The following LIN9 variants were observed in gnomAD, a reference collection of about 807,000 sequenced individuals.
The protein encoded by LIN9 is lin-9 DREAM MuvB core complex component, also known as protein lin-9 homolog.
A neutral mutation model predicts 78.0 loss-of-function variants in LIN9; 18 were observed. The ratio of observed to expected loss-of-function variants is 0.23; its 90% CI spans 0.16 to 0.34. LIN9 has a LOEUF of 0.34. Among genes scored for constraint, LIN9 ranks in the 10% least tolerant of loss-of-function variants. The probability of loss-of-function intolerance (pLI) is 1.00; values close to 1 mark genes in which losing one functional copy is unlikely to be tolerated. For synonymous variants in LIN9, 192 were observed against 215.2 expected (o/e 0.89, Z 0.94); for missense variants, 451 against 644.1 (o/e 0.70, Z 3.25).
chr1:226,261,530 A>G (rs1444685124), intron 10 of LIN9, among the ~76,000 whole-genome samples: 1 of 152,254 alleles, frequency 6.6e-6, no homozygotes, highest in East Asian at 1.9e-4. Flanking sequence ...AGTATCATTT[A>G]CCTTAACACC....
chr1:226,304,614 G>C (rs754305758), intron 1 of LIN9, among the ~76,000 whole-genome samples: 1 of 152,186 alleles, frequency 6.6e-6, no homozygotes, highest in Non-Finnish European at 1.5e-5. Context: ...CGGTTTCTCT[G>C]AGGAGGTAAC....
intron 1 of LIN9, among the ~76,000 whole-genome samples, chr1:226,304,572 T>A (rs1662780852): frequency 6.6e-6 from 1 of 152,220 alleles, no homozygotes; most frequent in Non-Finnish European, 1.5e-5. Flanking sequence ...GGAATTACTC[T>A]AAGTACTAGC....
At chr1:226,235,325 A>C in intron 12 of LIN9, among the ~76,000 whole-genome samples, 1 of 141,194 alleles carries the variant, frequency 7.1e-6, no homozygotes, top group African/African-American at 3.0e-5. Flanking sequence ...TCCGTCTCAA[A>C]AAAAAAAAAA....
chr1:226,244,668 A>G (rs1658348499), intron 11 of LIN9, among the ~76,000 whole-genome samples: 1 of 152,204 alleles, frequency 6.6e-6, no homozygotes, highest in Non-Finnish European at 1.5e-5. Flanking sequence ...CAGATTTAGC[A>G]GTTCATGATC....
chr1:226,298,919 C>T (rs1428327148), intron 2 of LIN9, among the ~76,000 whole-genome samples: 1 of 151,968 alleles, frequency 6.6e-6, no homozygotes, highest in Non-Finnish European at 1.5e-5. Context: ...AGTAAATCAG[C>T]GTGGTTATTT....
chr1:226,266,264 A>G lies in LIN9; in HGVS notation c.885T>C (p.Phe295=). ...FGQKQRPSRF[F]MTPPRLHYTP... The stretch of plus-strand genomic sequence containing the variant: ...TATAATGTAACCGTGGTGGGGTCAT[A>G]AAAAATCGAGAAGGCCGCTGTTTTT... The change falls in exon 9 of 15, where the codon TTT becomes TTC. Residue 295 remains phenylalanine (F), a synonymous_variant. Transcript: ENST00000681046. The G allele has an allele frequency of 1.2e-6, 2 of 1,601,724 alleles. No homozygotes were observed. The highest frequency in any genetic ancestry group is 1.7e-6 in the Non-Finnish European group (2 of 1,172,144).
intron 10 of LIN9, among the ~76,000 whole-genome samples, chr1:226,261,248 T>C (rs1368391735): frequency 6.6e-6 from 1 of 152,134 alleles, no homozygotes; most frequent in Admixed American, 6.5e-5. Flanking sequence ...TGTCCTCTCT[T>C]ATCACTCTTT....
chr1:226,267,081 A>G (rs1014120724), intron 8 of LIN9, among the ~76,000 whole-genome samples: 5 of 151,836 alleles, frequency 3.3e-5, no homozygotes, highest in African/African-American at 1.2e-4. Flanking sequence ...CGCCTGGCCA[A>G]TTTACTTTTT....
At position 226,232,144 on chromosome 1, in the gene LIN9, A is replaced by G. The variant is rs886289946; in HGVS notation, c.*357T>C. On this transcript the variant is annotated 3_prime_UTR_variant, in exon 15 of 15. Coordinates refer to ENST00000681046, the MANE Select transcript of LIN9 (RefSeq NM_001366245.2). Reference sequence around the variant, plus strand: ...AAGACCAGGTTTCTTCATACTCTCCATTGCAGCAGTTGTCTGCATGTGTTG... The same window carrying G: ...AAGACCAGGTTTCTTCATACTCTCCGTTGCAGCAGTTGTCTGCATGTGTTG... 4.5e-5 allele frequency: 18 copies of G among 399,380 alleles called. No homozygotes were observed. Among genetic ancestry groups the G allele is most frequent in the African/African-American group, 3.3e-4 (16 of 48,622 alleles). The allele number at this position is 399,380 out of a possible 1,614,324, so 24.7% of individuals were successfully genotyped here.
At chr1:226,252,323 AATG>A (rs1268169622) in intron 10 of LIN9, among the ~76,000 whole-genome samples, 26 of 147,016 alleles carry the variant, frequency 1.8e-4, no homozygotes, top group East Asian at 5.9e-4. Flanking sequence ...TAAATAAATG[AATG>A]AATGAATGAA....
chr1:226,237,614 A>AGAGTC (rs1441793935), intron 12 of LIN9, among the ~76,000 whole-genome samples: 2 of 139,848 alleles, frequency 1.4e-5, no homozygotes, highest in African/African-American at 5.4e-5. Context: ...CCTGGGCAAC[A>AGAGTC]AGGGCGAAAC....
intron 8 of LIN9, 115 bp downstream of exon 8, chr1:226,267,842 C>A: frequency 8.8e-7 from 1 of 1,138,710 alleles, no homozygotes. Flanking sequence ...CCCTAAGGAT[C>A]TCTTCCTCTG....
intron 10 of LIN9, among the ~76,000 whole-genome samples, chr1:226,262,812 C>T (rs1659676137): frequency 6.6e-6 from 1 of 152,138 alleles, no homozygotes; most frequent in East Asian, 1.9e-4. Flanking sequence ...TGAAAACTTA[C>T]GGCCACACAA....
rs573788978 is a variant in LIN9, at chr1:226,233,191, A to G, written c.1428T>C (p.Cys476=). 1 of 1,597,526 alleles carries G rather than the reference A, an allele frequency of 6.3e-7. No individual in the cohort carries two copies. The highest frequency in any genetic ancestry group is 2.2e-5 in the East Asian group (1 of 44,756). ...RLTAILLQIK[C]LAEGGDLNSF... ...AATTCAGGTCTCCTCCTTCTGCTAG[A>G]CACTAAAGGGAAAAAAATTTCAAAA... Residue 476 remains cysteine, a splice_region_variant and synonymous_variant, in exon 14 of 15, where the codon TGT becomes TGC. Transcript: ENST00000681046.
intron 5 of LIN9, 80 bp from the exon 6 acceptor site, chr1:226,286,538 A>C: frequency 9.4e-7 from 1 of 1,063,104 alleles, no homozygotes. Flanking sequence ...AAAATGCTAA[A>C]CTTTCACTTC....
intron 4 of LIN9, among the ~76,000 whole-genome samples, chr1:226,289,096 C>T (rs912507442): frequency 2.0e-5 from 3 of 151,892 alleles, no homozygotes; most frequent in African/African-American, 4.8e-5. Flanking sequence ...ATTAGCCGGG[C>T]GTGGTGGCTG....
At chr1:226,266,518 T>C (rs1659916858) in intron 8 of LIN9, among the ~76,000 whole-genome samples, 186 bp from the exon 9 acceptor site, 1 of 148,910 alleles carries the variant, frequency 6.7e-6, no homozygotes, top group African/African-American at 2.5e-5. Flanking sequence ...GGCTAGAACT[T>C]GAAACAGAGT....
chr1:226,270,236 A>G (rs1660179521), intron 7 of LIN9, among the ~76,000 whole-genome samples: 1 of 152,066 alleles, frequency 6.6e-6, no homozygotes, highest in Admixed American at 6.6e-5. Flanking sequence ...CTGACCACTA[A>G]ATTATATGCA....
intron 5 of LIN9, among the ~76,000 whole-genome samples, chr1:226,287,208 G>A (rs1661426794): frequency 6.6e-6 from 1 of 152,006 alleles, no homozygotes; most frequent in Admixed American, 6.6e-5. Flanking sequence ...CTCATACTAC[G>A]TCATACTTAA....
Sources: allele counts gnomAD v4.1 joint callset (sites outside exome capture counted in the v4.1 genomes callset), GRCh38; gene constraint gnomAD v4.1.1; transcripts MANE v1.5; gene names NCBI Gene and HGNC (gene_info 2026-07-23, HGNC 2026-07-21).